Variants in SCD5 observed in about 807,000 individuals in gnomAD.
SCD5 encodes acyl-CoA-desaturase 4.
In SCD5, 20 loss-of-function variants were observed where a neutral mutation model predicts 30.4. The observed-to-expected ratio is 0.66, with a 90% CI of 0.46 to 0.96. The LOEUF is 0.96. Among genes scored for constraint, SCD5 ranks in the 40% least tolerant of loss-of-function variants. The pLI is 0.00. For missense variants in SCD5, 381 were observed against 443.3 expected, an observed-to-expected ratio of 0.86 and a Z score of 1.26; for synonymous variants, 173 against 176.4, an observed-to-expected ratio of 0.98 and a Z score of 0.16.
At chr4:82,708,517 A>T (rs1043512268) in intron 1 of SCD5, among the ~76,000 whole-genome samples, 26 of 152,216 alleles carry the variant, frequency 1.7e-4, no homozygotes, top group African/African-American at 6.0e-4. Flanking sequence ...AGCTATCAAG[A>T]CCACCCAGGA....
At chr4:82,694,252 G>T (rs1719638390) in intron 2 of SCD5, among the ~76,000 whole-genome samples, 1 of 152,190 alleles carries the variant, frequency 6.6e-6, no homozygotes, top group African/African-American at 2.4e-5. Context: ...GTGCTTAGCA[G>T]CCCTGTGCTG....
At chr4:82,739,777 G>T (rs908422225) in intron 1 of SCD5, among the ~76,000 whole-genome samples, 1 of 152,224 alleles carries the variant, frequency 6.6e-6, no homozygotes, top group East Asian at 1.9e-4. Context: ...GAAAAGCCAC[G>T]ATGAAAACTT....
intron 1 of SCD5, among the ~76,000 whole-genome samples, chr4:82,712,755 G>A (rs1352260892): frequency 6.6e-6 from 1 of 152,172 alleles, no homozygotes; most frequent in Admixed American, 6.6e-5. Context: ...ACATGTGTGT[G>A]TGTCTGATAA....
At chr4:82,796,219 G>A (rs1578072296) in intron 1 of SCD5, among the ~76,000 whole-genome samples, 3 of 150,664 alleles carry the variant, frequency 2.0e-5, no homozygotes, top group South Asian at 2.1e-4. Context: ...GCGGTGAGCC[G>A]AGATCGCACC....
intron 1 of SCD5, among the ~76,000 whole-genome samples, chr4:82,744,470 C>A (rs1056318795): frequency 6.6e-6 from 1 of 152,144 alleles, no homozygotes; most frequent in African/African-American, 2.4e-5. Context: ...CAAGCTGTAT[C>A]CCCACGACCG....
intron 4 of SCD5, among the ~76,000 whole-genome samples, chr4:82,634,069 A>G (rs1024575423): frequency 6.6e-6 from 1 of 152,226 alleles, no homozygotes. Flanking sequence ...TTCATTTTGT[A>G]TCAAGTATCA....
chr4:82,682,462 C>T (rs536445065), intron 2 of SCD5, among the ~76,000 whole-genome samples: 1 of 151,976 alleles, frequency 6.6e-6, no homozygotes, highest in East Asian at 1.9e-4. Flanking sequence ...GGAAGCAGTG[C>T]TTTTGATAGG....
intron 2 of SCD5, among the ~76,000 whole-genome samples, chr4:82,684,723 G>A (rs2148822417): frequency 6.6e-6 from 1 of 152,294 alleles, no homozygotes; most frequent in South Asian, 2.1e-4. Flanking sequence ...TGTACTGGAA[G>A]CCATACCCCC....
chr4:82,731,590 T>C (rs950434580), intron 1 of SCD5, among the ~76,000 whole-genome samples: 2 of 152,214 alleles, frequency 1.3e-5, no homozygotes, highest in African/African-American at 4.8e-5. Context: ...AGTTCTGCTC[T>C]TGCAGCCTAA....
intron 3 of SCD5, among the ~76,000 whole-genome samples, chr4:82,673,176 G>T (rs1364974956): frequency 6.6e-6 from 1 of 152,040 alleles, no homozygotes; most frequent in African/African-American, 2.4e-5. Context: ...AATGCAATAA[G>T]ATAAGGAAGT....
At chr4:82,746,996 A>G (rs1721002452) in intron 1 of SCD5, among the ~76,000 whole-genome samples, 1 of 151,652 alleles carries the variant, frequency 6.6e-6, no homozygotes, top group East Asian at 1.9e-4. Context: ...CCCACAGACC[A>G]GCAACAGTGG....
intron 2 of SCD5, 81 bp from the exon 3 acceptor site, chr4:82,680,993 C>A: frequency 8.2e-7 from 1 of 1,216,886 alleles, no homozygotes; most frequent in Non-Finnish European, 1.2e-6. Context: ...AGCCTCCCCT[C>A]CCCCACCAGT....
intron 1 of SCD5, among the ~76,000 whole-genome samples, chr4:82,785,568 A>C (rs1376612939): frequency 1.3e-5 from 2 of 152,198 alleles, no homozygotes; most frequent in Non-Finnish European, 2.9e-5. Flanking sequence ...GTTACCTCCC[A>C]TGTATACCTG....
intron 1 of SCD5, among the ~76,000 whole-genome samples, chr4:82,724,783 T>A (rs1051071608): frequency 6.6e-6 from 1 of 152,198 alleles, no homozygotes; most frequent in African/African-American, 2.4e-5. Flanking sequence ...CCCTGAAAAC[T>A]GCTGTCGTTG....
chr4:82,714,660 T>C (rs1010486988), intron 1 of SCD5, among the ~76,000 whole-genome samples: 1 of 152,076 alleles, frequency 6.6e-6, no homozygotes, highest in Non-Finnish European at 1.5e-5. Flanking sequence ...AAGGGACTCA[T>C]ATAGGTTGAG....
chr4:82,707,272 A>T (rs990424814), intron 1 of SCD5, among the ~76,000 whole-genome samples: 21 of 152,378 alleles, frequency 1.4e-4, no homozygotes, highest in African/African-American at 4.6e-4. Flanking sequence ...TCACAAAATG[A>T]CAGAATTATA....
chr4:82,768,791 G>A (rs189513421), intron 1 of SCD5, among the ~76,000 whole-genome samples: 35 of 152,166 alleles, frequency 2.3e-4, no homozygotes, highest in East Asian at 1.5e-3. Flanking sequence ...AACGAGTTTT[G>A]CCTCTTGTCC....
intron 1 of SCD5, among the ~76,000 whole-genome samples, chr4:82,748,042 T>A (rs1454217011): frequency 6.6e-6 from 1 of 152,160 alleles, no homozygotes; most frequent in East Asian, 1.9e-4. Flanking sequence ...GGGATTTAAG[T>A]GAAAGCTTTT....
intron 2 of SCD5, among the ~76,000 whole-genome samples, chr4:82,690,240 G>A (rs72661258): frequency 2.0e-5 from 3 of 152,102 alleles, no homozygotes; most frequent in African/African-American, 7.2e-5. Context: ...ACTCCCAAAT[G>A]ATTCATAAAA....
Sources: allele counts gnomAD v4.1 joint callset (sites outside exome capture counted in the v4.1 genomes callset), GRCh38; gene constraint gnomAD v4.1.1; transcripts MANE v1.5; gene names NCBI Gene and HGNC (gene_info 2026-07-23, HGNC 2026-07-21).